The following INPP4A variants were observed in gnomAD, a reference collection of about 807,000 sequenced individuals.
INPP4A encodes inositol polyphosphate-4-phosphatase, type I, 107kD.
A neutral mutation model predicts 119.8 loss-of-function variants in INPP4A; 33 were observed. The ratio of observed to expected loss-of-function variants is 0.28; its 90% confidence interval spans 0.21 to 0.37. The LOEUF (loss-of-function observed/expected upper bound fraction) is 0.37. INPP4A is among the 10% of genes least tolerant of loss of function. The pLI, the probability that INPP4A is intolerant of heterozygous loss-of-function variation, is 1.00. For synonymous variants in INPP4A, 496 were observed against 500.7 expected (o/e 0.99, Z 0.12); for missense variants, 956 against 1,289.9 (o/e 0.74, Z 3.97).
Position 98,587,723 on chromosome 2 carries a change from T to TAA in INPP4A, c.*122_*123dup. 1 of 905,094 alleles carries TAA rather than the reference T, an allele frequency of 1.1e-6. No individual in the cohort carries two copies. Among genetic ancestry groups the TAA allele is most frequent in the Non-Finnish European group, 1.6e-6 (1 of 613,146 alleles). The allele number at this position is 905,094 out of a possible 1,614,324, so 56.1% of individuals were successfully genotyped here. A position where few individuals can be genotyped will look rare whatever the true frequency, so the allele number is the denominator to read the frequency against. ...TGGTTTTTATTTTTTGTGGTTTTTTTAAAAAAAACATTTCACTAAAGAGTC... is the reference window on the plus strand; with the variant it reads ...TGGTTTTTATTTTTTGTGGTTTTTTTAAAAAAAAAACATTTCACTAAAGAGTC... On this transcript the variant is annotated 3_prime_UTR_variant, in exon 25 of 25. Transcript: ENST00000409851.
chr2:98,539,754 G>A, intron 10 of INPP4A, 79 bp downstream of exon 10: 2 of 1,426,460 alleles, frequency 1.4e-6, no homozygotes, highest in East Asian at 2.6e-5. Flanking sequence ...AGCGGGCAGA[G>A]CACTGGCATC....
intron 21 of INPP4A, among the ~76,000 whole-genome samples, chr2:98,568,320 A>T (rs779329476): frequency 6.6e-6 from 1 of 152,184 alleles, no homozygotes; most frequent in Non-Finnish European, 1.5e-5. Flanking sequence ...GATCTGTACC[A>T]CATCATGTTC....
Position 98,594,002 on chromosome 2 carries a change from A to T in INPP4A, c.*6394A>T, listed in dbSNP as rs1437244949. The T allele has an allele frequency of 3.3e-5, 5 of 152,210 alleles. No individual in the cohort carries two copies. The highest frequency in any genetic ancestry group is 6.5e-5 in the Admixed American group (1 of 15,268). The allele number at this position is 152,210 out of a possible 1,614,324, so 9.4% of individuals were successfully genotyped here. ...TCCACTGTCAGTCCCCTCTGTATTC[A>T]CAAGAGCAAGTGTAATGCCCGCTGT... On this transcript the variant is annotated 3_prime_UTR_variant, in exon 25 of 25. Transcript: ENST00000409851.
chr2:98,537,981 T>C lies in INPP4A; in HGVS notation c.579+7T>C. 6.4e-7 allele frequency: 1 copy of C among 1,559,346 alleles called. No individual in the cohort carries two copies. Among genetic ancestry groups the C allele is most frequent in the Non-Finnish European group, 8.8e-7 (1 of 1,134,450 alleles). On this transcript the variant is annotated splice_region_variant and intron_variant, in intron 8 of 24. Coordinates refer to ENST00000409851, the MANE Select transcript of INPP4A (RefSeq NM_001134225.2). ...GGACACTGTCAATGGGAGGGTGAGT[T>C]ACACCACTTTCCTCCTCTCCCTTAG...
Position 98,546,146 on chromosome 2 carries a change from T to C in INPP4A, c.1054+73T>C, listed in dbSNP as rs541011197. 54 of 1,046,750 alleles carry C rather than the reference T, an allele frequency of 5.2e-5. No individual in the cohort carries two copies. Among genetic ancestry groups the C allele is most frequent in the Non-Finnish European group, 7.4e-5 (51 of 692,244 alleles). 64.8% of individuals were successfully genotyped at this position (1,046,750 alleles called of 1,614,324 possible). ...TCTCTGTGGGTACTTGGTCCCTGAG[T>C]ACCCCACATCTGCCCATTTCCCTGT... On this transcript the variant is annotated intron_variant, in intron 12 of 24. Coordinates refer to ENST00000409851, the MANE Select transcript of INPP4A (RefSeq NM_001134225.2). This position sits in a 1 kb window ranked among gnomAD's most constrained non-coding sequence, Gnocchi z 4.2.
At position 98,536,218 on chromosome 2, in the gene INPP4A, C is replaced by G. The variant is rs776561452; in HGVS notation, c.467+10C>G. On this transcript the variant is annotated intron_variant, in intron 7 of 24. Coordinates refer to ENST00000409851, the MANE Select transcript of INPP4A (RefSeq NM_001134225.2). ...TGCATTTAACACTAAGGTTGGTATT[C>G]AGTTTTATTCCCTTGAAAGGATCTG... The G allele has an allele frequency of 1.3e-6, 2 of 1,534,166 alleles. No homozygotes were observed. Among genetic ancestry groups the G allele is most frequent in the Non-Finnish European group, 1.8e-6 (2 of 1,108,710 alleles).
At position 98,464,446 on chromosome 2, in the gene INPP4A, G is replaced by A. The variant is rs147394859; in HGVS notation, c.-166+19361G>A. 4.2e-3 allele frequency among the ~76,000 whole-genome samples: 644 copies of A among 152,330 alleles called. 5 individuals carry two copies. The highest frequency in any genetic ancestry group is 0.015 in the African/African-American group (626 of 41,562). On this transcript the variant is annotated intron_variant, in intron 1 of 24. Transcript: ENST00000409851. ...AGAGCAAGGGCTGAAGAAACAAAAA[G>A]CAGGGGGTTTAGGGGAGAGATAAAC...
chr2:98,505,152 C>T (rs2105438654), intron 1 of INPP4A, among the ~76,000 whole-genome samples: 1 of 152,366 alleles, frequency 6.6e-6, no homozygotes, highest in Admixed American at 6.5e-5. Context: ...AATGGTTGCT[C>T]ACTGACCTGG....
At chr2:98,475,825 A>G (rs1574612579) in intron 1 of INPP4A, among the ~76,000 whole-genome samples, 1 of 151,256 alleles carries the variant, frequency 6.6e-6, no homozygotes, top group Non-Finnish European at 1.5e-5. Context: ...GGGCGGGGGG[A>G]GCCTGTGTGT....
chr2:98,454,109 A>G (rs1374486700), intron 1 of INPP4A, among the ~76,000 whole-genome samples: 1 of 152,176 alleles, frequency 6.6e-6, no homozygotes, highest in Non-Finnish European at 1.5e-5. Context: ...TCCCTCTCAA[A>G]AAAAAATTTA....
intron 16 of INPP4A, among the ~76,000 whole-genome samples, chr2:98,556,850 T>C (rs1426324023): frequency 1.3e-5 from 2 of 152,242 alleles, no homozygotes; most frequent in Non-Finnish European, 2.9e-5. Context: ...TCGACAGTTA[T>C]CACGTCACCC....
chr2:98,540,740 A>G (rs952437208), intron 10 of INPP4A, among the ~76,000 whole-genome samples: 2 of 152,162 alleles, frequency 1.3e-5, no homozygotes, highest in Non-Finnish European at 2.9e-5. Context: ...GTAATAACCA[A>G]CCCATTCCCA....
Position 98,566,703 on chromosome 2 carries a change from G to C in INPP4A, c.2420+534G>C, listed in dbSNP as rs556879800. Among the ~76,000 whole-genome samples the C allele has an allele frequency of 6.6e-6, 1 of 152,270 alleles. No homozygotes were observed. Among genetic ancestry groups the C allele is most frequent in the East Asian group, 1.9e-4 (1 of 5,186 alleles). ...CTCATGCCTGAACCTAAAGGCAACTGCCCTCCAGGGTCACTTGCCACACTG... is the reference window on the plus strand; with the variant it reads ...CTCATGCCTGAACCTAAAGGCAACTCCCCTCCAGGGTCACTTGCCACACTG... On this transcript the variant is annotated intron_variant, in intron 21 of 24. Coordinates refer to ENST00000409851, the MANE Select transcript of INPP4A (RefSeq NM_001134225.2). This position sits in a 1 kb window ranked among gnomAD's most constrained non-coding sequence, Gnocchi z 4.2.
In INPP4A at chr2:98,572,771, C is replaced by G. The variant is rs576539405; in HGVS notation, c.2519-44C>G. On this transcript the variant is annotated intron_variant, in intron 22 of 24. Transcript: ENST00000409851. The stretch of plus-strand genomic sequence containing the variant: ...GTGGGCTCCCTCTGCCGGGGGAGTT[C>G]CTGGGTGCGTCACCCACTCCCACGA... 8.3e-5 allele frequency: 117 copies of G among 1,416,226 alleles called. No homozygotes were observed. In the Admixed American group the frequency reaches 1.1e-3, roughly 13 times the overall value. The allele number at this position is 1,416,226 out of a possible 1,614,324, so 87.7% of individuals were successfully genotyped here.
chr2:98,565,292 A>G (rs1312385692), intron 19 of INPP4A, among the ~76,000 whole-genome samples: 2 of 152,212 alleles, frequency 1.3e-5, no homozygotes, highest in African/African-American at 4.8e-5. Flanking sequence ...GGCCACAGCA[A>G]AGCTGCTTTA....
At chr2:98,575,408 T>A (rs1698246690) in intron 23 of INPP4A, among the ~76,000 whole-genome samples, 1 of 152,278 alleles carries the variant, frequency 6.6e-6, no homozygotes, top group South Asian at 2.1e-4. Context: ...GGTCATGAAC[T>A]CTACAGCCCA....
chr2:98,572,021 G>A (rs1259983671), intron 22 of INPP4A: 8 of 152,542 alleles, frequency 5.2e-5, no homozygotes, highest in African/African-American at 1.9e-4. Context: ...GCTGTGTGGT[G>A]GAAACCAGGT....
chr2:98,478,873 G>A (rs984682414), intron 1 of INPP4A, among the ~76,000 whole-genome samples: 2 of 152,134 alleles, frequency 1.3e-5, no homozygotes, highest in African/African-American at 4.8e-5. Flanking sequence ...AAAGAGGTCC[G>A]GTTTTTTTGT....
intron 1 of INPP4A, among the ~76,000 whole-genome samples, chr2:98,453,812 A>C (rs1003813083): frequency 6.6e-6 from 1 of 152,160 alleles, no homozygotes; most frequent in African/African-American, 2.4e-5. Context: ...ATCTGAGCCA[A>C]ATCCTCCTGA....
Sources: gnomAD v4.1 joint callset for allele counts (sites outside exome capture counted in the v4.1 genomes callset) on GRCh38, gnomAD v4.1.1 for gene constraint, Gnocchi (gnomAD v3.1) non-coding constraint, MANE v1.5 for transcripts, NCBI Gene and HGNC (gene_info 2026-07-23, HGNC 2026-07-21) for gene names.